OPCML: variants seen among roughly 807,000 people sequenced by gnomAD.
The protein encoded by OPCML is opioid binding protein/cell adhesion molecule like, also known as opioid-binding protein/cell adhesion molecule.
Under a neutral mutation model 37.8 loss-of-function variants are expected in OPCML, and 13 were observed. The ratio of observed to expected loss-of-function variants is 0.34; its 90% CI spans 0.22 to 0.55. The LOEUF (loss-of-function observed/expected upper bound fraction) is 0.55. OPCML is among the 20% of genes least tolerant of loss of function. The probability of loss-of-function intolerance (pLI) is 0.91; values close to 1 mark genes in which losing one functional copy is unlikely to be tolerated. For missense variants in OPCML, 341 were observed against 435.6 expected, an observed-to-expected ratio of 0.78 and a Z score of 1.93; for synonymous variants, 176 against 168.8, an observed-to-expected ratio of 1.04 and a Z score of -0.33.
In OPCML at chr11:133,173,348, G is replaced by A. The variant is rs1440405761; in HGVS notation, c.62-230338C>T. Among the ~76,000 whole-genome samples the A allele has an allele frequency of 2.0e-5, 3 of 152,084 alleles. No individual in the cohort carries two copies. Among genetic ancestry groups the A allele is most frequent in the Non-Finnish European group, 2.9e-5 (2 of 68,028 alleles). ...CTACTTGTAGACCCCAACATTCTTG[G>A]AGTCTGAGACTCATAGAGAGGGTAT... is the stretch of plus-strand genomic sequence containing the variant. On this transcript the variant is annotated intron_variant, in intron 1 of 7. Coordinates refer to ENST00000524381, the MANE Select transcript of OPCML (RefSeq NM_001012393.5). The surrounding 1 kb of genome is among the most constrained non-coding windows in gnomAD (Gnocchi z 7.8).
chr11:133,132,753 A>G (rs1949625222), intron 1 of OPCML, among the ~76,000 whole-genome samples: 1 of 152,170 alleles, frequency 6.6e-6, no homozygotes, highest in South Asian at 2.1e-4. Context: ...GCCAGAAAAA[A>G]CAAGAGTACA....
At chr11:132,910,227 C>T (rs1403712982) in intron 2 of OPCML, among the ~76,000 whole-genome samples, 2 of 151,684 alleles carry the variant, frequency 1.3e-5, no homozygotes, top group East Asian at 2.0e-4. Context: ...CTGCAGGCCT[C>T]GGGACTGGCA....
chr11:133,035,927 A>G (rs1233313936), intron 1 of OPCML, among the ~76,000 whole-genome samples: 1 of 145,106 alleles, frequency 6.9e-6, no homozygotes, highest in Non-Finnish European at 1.5e-5. Flanking sequence ...GAGGCCTCGG[A>G]GAAACCAAAC....
At chr11:132,542,878 G>C (rs1000261679) in intron 3 of OPCML, among the ~76,000 whole-genome samples, 7 of 152,152 alleles carry the variant, frequency 4.6e-5, no homozygotes, top group African/African-American at 1.7e-4. Context: ...GTGCTGCCAA[G>C]ATTAGATCAC....
chr11:132,533,231 G>C (rs1310969469), intron 3 of OPCML, among the ~76,000 whole-genome samples: 1 of 152,108 alleles, frequency 6.6e-6, no homozygotes, highest in Non-Finnish European at 1.5e-5. Flanking sequence ...CACTGATGGT[G>C]GTGTTTTACA....
At chr11:132,684,970 T>C (rs991184734) in intron 2 of OPCML, among the ~76,000 whole-genome samples, 2 of 152,242 alleles carry the variant, frequency 1.3e-5, no homozygotes, top group Admixed American at 1.3e-4. Flanking sequence ...TAAAAGCTCT[T>C]TTATTAATCC....
chr11:133,423,309 G>A, intron 1 of OPCML: 1 of 985,342 alleles, frequency 1.0e-6, no homozygotes, highest in Non-Finnish European at 1.2e-6. Context: ...AAGTTCTGAG[G>A]GATTTCCACC....
At chr11:132,530,051 G>A (rs2096320033) in intron 3 of OPCML, among the ~76,000 whole-genome samples, 1 of 152,118 alleles carries the variant, frequency 6.6e-6, no homozygotes, top group Non-Finnish European at 1.5e-5. Flanking sequence ...GATGATAATG[G>A]TAGCTAAACT....
intron 1 of OPCML, among the ~76,000 whole-genome samples, chr11:132,955,407 GT>G (rs1438634789): frequency 6.6e-6 from 1 of 152,134 alleles, no homozygotes; most frequent in Non-Finnish European, 1.5e-5. Context: ...TTAAAAAATA[GT>G]GACAGTTGTC....
chr11:133,476,777 G>T (rs532892012), intron 1 of OPCML, among the ~76,000 whole-genome samples: 1 of 152,128 alleles, frequency 6.6e-6, no homozygotes, highest in African/African-American at 2.4e-5. Context: ...CCGGAGGGCC[G>T]GTAGTTTTGG....
intron 1 of OPCML, among the ~76,000 whole-genome samples, chr11:133,149,844 C>G (rs117820462): frequency 6.6e-6 from 1 of 152,178 alleles, no homozygotes; most frequent in Non-Finnish European, 1.5e-5. Flanking sequence ...ACAGGAGGAT[C>G]GTCTGGGGAG....
In OPCML at chr11:132,830,412, G is replaced by A. The variant is rs11607198; in HGVS notation, c.146+112514C>T. On this transcript the variant is annotated intron_variant, in intron 2 of 7. Coordinates refer to ENST00000524381, the MANE Select transcript of OPCML (RefSeq NM_001012393.5). ...TTGACATGTAAGGTTAGGACTGGCA[G>A]AGCACGTGAAATACCAAACAGTGGC... 4.1e-4 allele frequency among the ~76,000 whole-genome samples: 62 copies of A among 152,300 alleles called. 1 individual carries two copies. Among genetic ancestry groups the A allele is most frequent in the Middle Eastern group, 3.4e-3 (1 of 294 alleles).
intron 1 of OPCML, among the ~76,000 whole-genome samples, chr11:133,048,751 G>A (rs1288379555): frequency 2.6e-5 from 4 of 152,170 alleles, no homozygotes; most frequent in Non-Finnish European, 5.9e-5. Flanking sequence ...GAGAGACACT[G>A]TCTTTCAAGA....
At chr11:133,263,682 G>T (rs193199635) in intron 1 of OPCML, among the ~76,000 whole-genome samples, 3 of 152,240 alleles carry the variant, frequency 2.0e-5, no homozygotes, top group South Asian at 2.1e-4. Context: ...TGAAACACCC[G>T]CCACTAATGG....
At chr11:133,472,533 G>T (rs1480021679) in intron 1 of OPCML, among the ~76,000 whole-genome samples, 3 of 151,672 alleles carry the variant, frequency 2.0e-5, no homozygotes, top group Admixed American at 6.6e-5. Context: ...ATCTTCGGCT[G>T]CCATTCTGCT....
intron 3 of OPCML, among the ~76,000 whole-genome samples, chr11:132,537,568 A>T (rs1429746421): frequency 6.6e-6 from 1 of 152,234 alleles, no homozygotes; most frequent in Non-Finnish European, 1.5e-5. Context: ...CAGCAGAAAA[A>T]ATAGATAAAC....
intron 3 of OPCML, among the ~76,000 whole-genome samples, chr11:132,585,680 G>T (rs2096471095): frequency 6.6e-6 from 1 of 152,186 alleles, no homozygotes; most frequent in Non-Finnish European, 1.5e-5. Context: ...ACTAAAACAT[G>T]ATGTACTTAG....
intron 1 of OPCML, among the ~76,000 whole-genome samples, chr11:133,031,976 C>T (rs1230953028): frequency 6.6e-6 from 1 of 152,154 alleles, no homozygotes; most frequent in Non-Finnish European, 1.5e-5. Flanking sequence ...TAATCTTCAA[C>T]CTTATGAAGA....
intron 2 of OPCML, among the ~76,000 whole-genome samples, chr11:132,682,532 T>A (rs891823210): frequency 6.6e-6 from 1 of 152,200 alleles, no homozygotes. Flanking sequence ...CTTTGGGACA[T>A]TAATTAAGCA....
Sources: gnomAD v4.1 joint callset for allele counts (sites outside exome capture counted in the v4.1 genomes callset) on GRCh38, gnomAD v4.1.1 for gene constraint, Gnocchi (gnomAD v3.1) non-coding constraint, MANE v1.5 for transcripts, NCBI Gene and HGNC (gene_info 2026-07-23, HGNC 2026-07-21) for gene names.